EVA1C: variants seen among roughly 807,000 people sequenced by gnomAD.
The protein encoded by EVA1C is protein eva-1 homolog C.
EVA1C carries 25 observed loss-of-function variants against 45.4 expected under a neutral mutation model. The ratio of observed to expected loss-of-function variants is 0.55; its 90% CI spans 0.40 to 0.77. EVA1C has a LOEUF of 0.77. Among genes scored for constraint, EVA1C ranks in the 30% least tolerant of loss-of-function variants. EVA1C has a pLI of 0.00. For missense variants in EVA1C, 479 were observed against 554.8 expected, an observed-to-expected ratio of 0.86 and a Z score of 1.37; for synonymous variants, 190 against 221.2, an observed-to-expected ratio of 0.86 and a Z score of 1.25.
chr21:32,413,402 G>A (rs2033910110), intron 1 of EVA1C, among the ~76,000 whole-genome samples: 1 of 152,212 alleles, frequency 6.6e-6, no homozygotes, highest in South Asian at 2.1e-4. Flanking sequence ...TGTCACCCGC[G>A]TAGCCCGTTT....
rs752743878 is a variant in EVA1C, at chr21:32,453,269, G to T, written c.161-43G>T. ...CTGTCCCCAAACCCATGGAGGAGTG[G>T]TGGGTTCCTGGGCCTCTAGTAACTC... On this transcript the variant is annotated intron_variant, in intron 1 of 7. Transcript: ENST00000300255. 20 of 1,462,514 alleles carry T rather than the reference G, an allele frequency of 1.4e-5. No homozygotes were observed. The Admixed American group carries it at 3.5e-4, about 26-fold the overall frequency. 90.6% of individuals were successfully genotyped at this position (1,462,514 alleles called of 1,614,324 possible).
At chr21:32,465,869 A>G (rs970395140) in intron 3 of EVA1C, among the ~76,000 whole-genome samples, 2 of 152,202 alleles carry the variant, frequency 1.3e-5, no homozygotes, top group African/African-American at 4.8e-5. Context: ...CACATTTTCC[A>G]AGTGTACAAT....
At chr21:32,498,843 T>A (rs529588777) in intron 5 of EVA1C, among the ~76,000 whole-genome samples, 1 of 152,090 alleles carries the variant, frequency 6.6e-6, no homozygotes, top group Non-Finnish European at 1.5e-5. Flanking sequence ...CACCAACATA[T>A]CTGAAGTGGA....
chr21:32,470,751 T>TC (rs1225374288), intron 4 of EVA1C, among the ~76,000 whole-genome samples: 4,101 of 142,046 alleles, frequency 0.029, 184 homozygotes, highest in African/African-American at 0.099. Flanking sequence ...TTTCTTTCTT[T>TC]TTCTTTTTCT....
rs768813253 is a variant in EVA1C at position 32,503,955 on chromosome 21, G to A, written c.889G>A (p.Val297Ile). ...GINFDPSGSK[V>I]LRKDGILVSN... ...AAACTTCGACCCAAGCGGATCGAAG[G>A]TTCTGAGGAAAGATGGAATTCTTGT... Residue 297 changes from valine to isoleucine, a missense_variant, in exon 7 of 8, where the codon GTT becomes ATT. By Grantham distance (29) the Val-to-Ile change is conservative (BLOSUM62 3). Coordinates refer to ENST00000300255, the MANE Select transcript of EVA1C (RefSeq NM_058187.5). 4 of 1,611,688 alleles carry A rather than the reference G, an allele frequency of 2.5e-6. No homozygotes were observed. Among genetic ancestry groups the A allele is most frequent in the East Asian group, 4.5e-5 (2 of 44,842 alleles).
At chr21:32,486,119 G>C (rs1272736070) in intron 4 of EVA1C, among the ~76,000 whole-genome samples, 2 of 152,100 alleles carry the variant, frequency 1.3e-5, no homozygotes, top group Admixed American at 1.3e-4. Context: ...TGATCTTACT[G>C]TTGTTCTTTT....
chr21:32,450,058 C>T lies in EVA1C; in HGVS notation c.161-3254C>T, dbSNP rs528003962. On this transcript the variant is annotated intron_variant, in intron 1 of 7. Coordinates refer to ENST00000300255, the MANE Select transcript of EVA1C (RefSeq NM_058187.5). Reference sequence around the variant, plus strand: ...AGCACCTGAAGGATCTGGCATTAGTCAATTCTATGCACTGAGCTTCTGCCC... The same window carrying T: ...AGCACCTGAAGGATCTGGCATTAGTTAATTCTATGCACTGAGCTTCTGCCC... Among the ~76,000 whole-genome samples, 7 of 152,290 alleles carry T rather than the reference C, an allele frequency of 4.6e-5. 1 individual carries two copies. In the Middle Eastern group the frequency reaches 0.017, roughly 370 times the overall value.
intron 4 of EVA1C, among the ~76,000 whole-genome samples, chr21:32,494,712 G>A (rs755150598): frequency 1.3e-5 from 2 of 151,710 alleles, no homozygotes; most frequent in African/African-American, 2.4e-5. Flanking sequence ...GAAGCAGGGA[G>A]GCAGAGGTTG....
intron 1 of EVA1C, among the ~76,000 whole-genome samples, chr21:32,449,218 C>T (rs1230460458): frequency 6.6e-6 from 1 of 152,192 alleles, no homozygotes; most frequent in African/African-American, 2.4e-5. Flanking sequence ...TGACAAATCA[C>T]TATCACCCAG....
At chr21:32,511,418 T>TG (rs1156681186) in intron 7 of EVA1C, among the ~76,000 whole-genome samples, 1 of 11,184 alleles carries the variant, frequency 8.9e-5, no homozygotes, top group African/African-American at 7.7e-4. Context: ...AAACTCCGTC[T>TG]CAAAAAAAAA....
At chr21:32,510,156 C>T (rs1356701216) in intron 7 of EVA1C, among the ~76,000 whole-genome samples, 1 of 149,114 alleles carries the variant, frequency 6.7e-6, no homozygotes, top group Non-Finnish European at 1.5e-5. Context: ...TCAAGCCATT[C>T]TCCTGCCTCA....
chr21:32,480,190 A>G (rs144053319), intron 4 of EVA1C, among the ~76,000 whole-genome samples: 1 of 151,306 alleles, frequency 6.6e-6, no homozygotes, highest in East Asian at 2.0e-4. Flanking sequence ...TTGGATTCTT[A>G]CACAGGAGGC....
rs1395936836 is a variant in EVA1C at position 32,503,931 on chromosome 21, A to T, written c.865A>T (p.Asn289Tyr). 7.5e-6 allele frequency: 12 copies of T among 1,609,936 alleles called. No individual in the cohort carries two copies. The highest frequency in any genetic ancestry group is 9.3e-6 in the Non-Finnish European group (11 of 1,178,834). Residue 289 changes from asparagine to tyrosine, a missense_variant, in exon 7 of 8, where the codon AAC becomes TAC. By Grantham distance (143) the Asn-to-Tyr change is moderately radical (BLOSUM62 -2). Coordinates refer to ENST00000300255, the MANE Select transcript of EVA1C (RefSeq NM_058187.5). ...LKQKDGEYGI[N>Y]FDPSGSKVLR... Reference sequence around the variant, plus strand: ...TTGCATTTTTCATGAAACAGGTATAAACTTCGACCCAAGCGGATCGAAGGT... The same window carrying T: ...TTGCATTTTTCATGAAACAGGTATATACTTCGACCCAAGCGGATCGAAGGT...
At position 32,480,320 on chromosome 21, in the gene EVA1C, A is replaced by T. The variant is rs1051330559; in HGVS notation, c.634+12472A>T. Among the ~76,000 whole-genome samples the T allele has an allele frequency of 5.3e-3, 802 of 151,064 alleles. 10 individuals are homozygous for T. The highest frequency in any genetic ancestry group is 0.019 in the African/African-American group (771 of 41,028). ...TGTCTCTTAAAAAAAAAAAAAAGGT[A>T]CCGAGTTGGTACATTCATAAAATGA... On this transcript the variant is annotated intron_variant, in intron 4 of 7. Transcript: ENST00000300255.
At chr21:32,476,329 G>C (rs1234276304) in intron 4 of EVA1C, among the ~76,000 whole-genome samples, 1 of 151,892 alleles carries the variant, frequency 6.6e-6, no homozygotes, top group Non-Finnish European at 1.5e-5. Flanking sequence ...TTTTGATTCT[G>C]TGTATGTCAT....
At chr21:32,496,659 G>A (rs764337342) in intron 5 of EVA1C, among the ~76,000 whole-genome samples, 21 of 152,180 alleles carry the variant, frequency 1.4e-4, no homozygotes, top group Non-Finnish European at 2.5e-4. Flanking sequence ...GACTGGACAC[G>A]GGTCACACTG....
intron 1 of EVA1C, among the ~76,000 whole-genome samples, chr21:32,440,146 G>A (rs1393808951): frequency 6.6e-6 from 1 of 152,062 alleles, no homozygotes; most frequent in African/African-American, 2.4e-5. Flanking sequence ...TTTGTTGTAT[G>A]TGAGGGCAGA....
chr21:32,511,419 CAAAAAAAA>C (rs749141703), intron 7 of EVA1C, among the ~76,000 whole-genome samples: 6 of 47,602 alleles, frequency 1.3e-4, no homozygotes, highest in African/African-American at 3.5e-4. Context: ...AACTCCGTCT[CAAAAAAAA>C]AAAAAAAAAA....
chr21:32,419,179 C>T (rs1031185919), intron 1 of EVA1C, among the ~76,000 whole-genome samples: 1 of 151,938 alleles, frequency 6.6e-6, no homozygotes, highest in Non-Finnish European at 1.5e-5. Flanking sequence ...AGGTTTGTTG[C>T]GTAGATGAGT....
Sources: allele counts gnomAD v4.1 joint callset (sites outside exome capture counted in the v4.1 genomes callset), GRCh38; gene constraint gnomAD v4.1.1; transcripts MANE v1.5; gene names NCBI Gene and HGNC (gene_info 2026-07-23, HGNC 2026-07-21).